The following NRG2 variants were observed in gnomAD, a reference collection of about 807,000 sequenced individuals.
The protein encoded by NRG2 is neuregulin 2.
NRG2 carries 27 observed loss-of-function variants against 73.9 expected under a neutral mutation model. The observed-to-expected ratio is 0.37, with a 90% confidence interval of 0.27 to 0.50. The LOEUF (loss-of-function observed/expected upper bound fraction) is 0.50. NRG2 is among the 20% of genes least tolerant of loss of function. The pLI is 0.96. For missense variants in NRG2, 1,126 were observed against 1,210.1 expected, an observed-to-expected ratio of 0.93 and a Z score of 1.03; for synonymous variants, 532 against 541.0, an observed-to-expected ratio of 0.98 and a Z score of 0.23.
chr5:140,011,187 A>C (rs1204830347), intron 1 of NRG2, among the ~76,000 whole-genome samples: 1 of 152,258 alleles, frequency 6.6e-6, no homozygotes, highest in Non-Finnish European at 1.5e-5. Context: ...TTGCAATAGC[A>C]TCTTTTGCCA....
intron 1 of NRG2, among the ~76,000 whole-genome samples, chr5:139,897,474 C>T (rs2127158394): frequency 6.6e-6 from 1 of 152,316 alleles, no homozygotes; most frequent in African/African-American, 2.4e-5. Context: ...CTTCCTGAGA[C>T]TTTCACACGC....
At chr5:140,018,095 A>T (rs1035709498) in intron 1 of NRG2, among the ~76,000 whole-genome samples, 1 of 152,070 alleles carries the variant, frequency 6.6e-6, no homozygotes, top group Non-Finnish European at 1.5e-5. Flanking sequence ...CTACAGGCCC[A>T]TGTGTTCTTG....
rs115471962 is a variant in NRG2, at chr5:139,904,237, G to A, written c.701-16726C>T. ...AGCCTAGACTCACCCGCGCTGCGCT[G>A]GGGGCGGGTGAGCGGGCGGCAGGTT... On this transcript the variant is annotated intron_variant, in intron 1 of 9. Coordinates refer to ENST00000361474, the MANE Select transcript of NRG2 (RefSeq NM_004883.3). This position sits in a 1 kb window ranked among gnomAD's most constrained non-coding sequence, Gnocchi z 6.0. 1.2e-3 allele frequency: 1,808 copies of A among 1,503,036 alleles called. 15 individuals are homozygous for A. The African/African-American group carries it at 0.023, about 19-fold the overall frequency. The allele number at this position is 1,503,036 out of a possible 1,614,324, so 93.1% of individuals were successfully genotyped here. A position where few individuals can be genotyped will look rare whatever the true frequency, so the allele number is the denominator to read the frequency against.
rs1761498623 is a variant in NRG2, at chr5:139,852,373, C to T, written c.1544+59G>A. 6.3e-7 allele frequency: 1 copy of T among 1,583,614 alleles called. No homozygotes were observed. On this transcript the variant is annotated intron_variant, in intron 8 of 9. Coordinates refer to ENST00000361474, the MANE Select transcript of NRG2 (RefSeq NM_004883.3). The surrounding 1 kb of genome is among the most constrained non-coding windows in gnomAD (Gnocchi z 4.4). ...CTCTGGATGTCGGAGTAAGTGGGCA[C>T]TTTGCGCCAGATGAAGTATGTGAGT...
chr5:139,967,578 G>C (rs574336740), intron 1 of NRG2, among the ~76,000 whole-genome samples: 17 of 152,308 alleles, frequency 1.1e-4, no homozygotes, highest in Middle Eastern at 3.4e-3. Context: ...GGTAACTGAA[G>C]ATCCCTCAGA....
At position 139,859,167 on chromosome 5, in the gene NRG2, C is replaced by T. The variant is rs529702152; in HGVS notation, c.1190-3389G>A. Among the ~76,000 whole-genome samples, 4 of 152,186 alleles carry T rather than the reference C, an allele frequency of 2.6e-5. No homozygotes were observed. The South Asian group carries it at 6.2e-4, about 24-fold the overall frequency. ...GTCCCTTCTAGCCCAAGGAGTCTTC[C>T]GGGGGCCAGAGGGTGGTAGTAGCAG... is the stretch of plus-strand genomic sequence containing the variant. On this transcript the variant is annotated intron_variant, in intron 5 of 9. Transcript: ENST00000361474.
intron 1 of NRG2, among the ~76,000 whole-genome samples, chr5:139,888,586 T>C (rs1171675106): frequency 2.0e-5 from 3 of 152,016 alleles, no homozygotes; most frequent in Non-Finnish European, 4.4e-5. Context: ...GTGCTGACAA[T>C]GGGCCAGAGC....
At chr5:140,012,304 T>C (rs187637561) in intron 1 of NRG2, among the ~76,000 whole-genome samples, 37 of 152,338 alleles carry the variant, frequency 2.4e-4, no homozygotes, top group African/African-American at 8.9e-4. Flanking sequence ...ACAGCAATTA[T>C]GCCATCATGC....
intron 1 of NRG2, among the ~76,000 whole-genome samples, chr5:139,982,524 T>C (rs769399528): frequency 2.6e-5 from 4 of 152,102 alleles, no homozygotes; most frequent in Admixed American, 6.5e-5. Flanking sequence ...GCAGCTCACA[T>C]TGTTCATTAG....
intron 1 of NRG2, among the ~76,000 whole-genome samples, chr5:139,926,863 G>C (rs1238957170): frequency 1.3e-5 from 2 of 152,166 alleles, no homozygotes; most frequent in African/African-American, 4.8e-5. Flanking sequence ...GCCCTCCTTT[G>C]GGAAGTCTGA....
rs1480970168 is a variant in NRG2, at chr5:139,954,511, T to C, written c.701-67000A>G. ...ACCACCCACTCTCCTGCTGAGGAAGTGGCAATGGCTTCTCAACGCCTTAGT... is the reference window on the plus strand; with the variant it reads ...ACCACCCACTCTCCTGCTGAGGAAGCGGCAATGGCTTCTCAACGCCTTAGT... On this transcript the variant is annotated intron_variant, in intron 1 of 9. Transcript: ENST00000361474. The surrounding 1 kb of genome is among the most constrained non-coding windows in gnomAD (Gnocchi z 5.0). Among the ~76,000 whole-genome samples, 1 of 152,186 alleles carries C rather than the reference T, an allele frequency of 6.6e-6. No homozygotes were observed. Among genetic ancestry groups the C allele is most frequent in the African/African-American group, 2.4e-5 (1 of 41,452 alleles).
chr5:139,942,446 T>C (rs1431308239), intron 1 of NRG2, among the ~76,000 whole-genome samples: 1 of 152,242 alleles, frequency 6.6e-6, no homozygotes, highest in Non-Finnish European at 1.5e-5. Flanking sequence ...TCTTAGCAGA[T>C]TCCACTTCAG....
intron 1 of NRG2, among the ~76,000 whole-genome samples, chr5:139,949,035 C>T (rs1441548988): frequency 6.6e-6 from 1 of 152,082 alleles, no homozygotes; most frequent in Non-Finnish European, 1.5e-5. Context: ...CTTCAATTCC[C>T]TACCAATAGG....
chr5:139,857,073 G>A (rs1421025440), intron 5 of NRG2, among the ~76,000 whole-genome samples: 1 of 152,188 alleles, frequency 6.6e-6, no homozygotes, highest in Admixed American at 6.5e-5. Flanking sequence ...AGGCCGCCAA[G>A]TCCTGAGGTC....
At chr5:139,930,825 G>C (rs2126370346) in intron 1 of NRG2, among the ~76,000 whole-genome samples, 1 of 152,340 alleles carries the variant, frequency 6.6e-6, no homozygotes, top group South Asian at 2.1e-4. Context: ...ATGGGATGCT[G>C]TCTGAAGTAA....
chr5:139,944,130 A>G (rs1936669791), intron 1 of NRG2, among the ~76,000 whole-genome samples: 1 of 152,154 alleles, frequency 6.6e-6, no homozygotes, highest in African/African-American at 2.4e-5. Context: ...AAGAAGCAAA[A>G]GTATCTCAAT....
intron 1 of NRG2, among the ~76,000 whole-genome samples, chr5:140,028,545 A>T (rs11745349): frequency 0.32 from 48,830 of 151,958 alleles, 8,118 homozygotes; most frequent in African/African-American, 0.4. Flanking sequence ...AGTCTCAACT[A>T]CACATAGACC....
intron 1 of NRG2, among the ~76,000 whole-genome samples, chr5:139,964,213 G>A (rs1462428203): frequency 6.6e-6 from 1 of 152,144 alleles, no homozygotes; most frequent in Non-Finnish European, 1.5e-5. Flanking sequence ...TCAAAGAAAG[G>A]TGCTGGAAAA....
chr5:139,989,699 T>C lies in NRG2; in HGVS notation c.700+52671A>G, dbSNP rs1437133483. 1.1e-4 allele frequency among the ~76,000 whole-genome samples: 16 copies of C among 151,822 alleles called. 1 individual carries two copies. Among genetic ancestry groups the C allele is most frequent in the Non-Finnish European group, 2.2e-4 (15 of 67,926 alleles). On this transcript the variant is annotated intron_variant, in intron 1 of 9. Coordinates refer to ENST00000361474, the MANE Select transcript of NRG2 (RefSeq NM_004883.3). ...ACAGCTGTGTAATATTCCACTGTAG[T>C]TATGGATTTAGTTTATTCAGTCTCT...
Sources: allele counts gnomAD v4.1 joint callset (sites outside exome capture counted in the v4.1 genomes callset), GRCh38; gene constraint gnomAD v4.1.1; non-coding constraint Gnocchi (gnomAD v3.1); transcripts MANE v1.5; gene names NCBI Gene and HGNC (gene_info 2026-07-23, HGNC 2026-07-21).